Variants in SLC25A21 observed in about 807,000 individuals in gnomAD.
The protein encoded by SLC25A21 is solute carrier family 25 member 21, also known as mitochondrial 2-oxodicarboxylate carrier.
In SLC25A21, 47 loss-of-function variants were observed where a neutral mutation model predicts 43.8. The observed-to-expected ratio is 1.07, with a 90% confidence interval of 0.85 to 1.37. SLC25A21 has a LOEUF of 1.37. Among genes scored for constraint, SLC25A21 ranks in the 40% most tolerant of loss-of-function variants. The probability of loss-of-function intolerance (pLI) is 0.00; values close to 1 mark genes in which losing one functional copy is unlikely to be tolerated. For missense variants in SLC25A21, 352 were observed against 350.2 expected, an observed-to-expected ratio of 1.00 and a Z score of -0.04; for synonymous variants, 131 against 121.3, an observed-to-expected ratio of 1.08 and a Z score of -0.52.
intron 2 of SLC25A21, among the ~76,000 whole-genome samples, chr14:36,846,463 C>A (rs1382161695): frequency 6.6e-6 from 1 of 152,098 alleles, no homozygotes; most frequent in Non-Finnish European, 1.5e-5. Flanking sequence ...CTCACTGCAA[C>A]CTCCACCTCC....
In SLC25A21 at chr14:37,129,623, A is replaced by G. The variant is rs372468852; in HGVS notation, c.70+42658T>C. On this transcript the variant is annotated intron_variant, in intron 1 of 9. Transcript: ENST00000331299. ...CCGCAGGTCCAATATTCTCTCATTG[A>G]GATATATTGTGTTAAAACATTGTGT... Among the ~76,000 whole-genome samples, 102 of 151,838 alleles carry G rather than the reference A, an allele frequency of 6.7e-4. 2 individuals carry two copies. In the South Asian group the frequency reaches 0.02, roughly 30 times the overall value.
chr14:37,142,880 G>T (rs1195496337), intron 1 of SLC25A21, among the ~76,000 whole-genome samples: 2 of 152,190 alleles, frequency 1.3e-5, no homozygotes, highest in Non-Finnish European at 2.9e-5. Context: ...CAGTTGTCAA[G>T]GACACAGGAA....
chr14:36,971,735 C>T (rs1051906911), intron 1 of SLC25A21, among the ~76,000 whole-genome samples: 2 of 152,146 alleles, frequency 1.3e-5, no homozygotes, highest in African/African-American at 2.4e-5. Context: ...TGGCGCCACA[C>T]ACGAACCTCG....
At chr14:37,163,119 C>T (rs929216672) in intron 1 of SLC25A21, among the ~76,000 whole-genome samples, 3 of 147,152 alleles carry the variant, frequency 2.0e-5, no homozygotes, top group Non-Finnish European at 3.0e-5. Context: ...GGAAGGGGAA[C>T]ATCACACTCT....
At chr14:37,007,003 C>A (rs1439562474) in intron 1 of SLC25A21, among the ~76,000 whole-genome samples, 1 of 152,134 alleles carries the variant, frequency 6.6e-6, no homozygotes, top group Non-Finnish European at 1.5e-5. Flanking sequence ...CTTTTTTCTA[C>A]AATATCAATT....
chr14:36,955,277 T>A lies in SLC25A21; in HGVS notation c.71-80273A>T, dbSNP rs143953921. Among the ~76,000 whole-genome samples the A allele has an allele frequency of 1.6e-3, 242 of 152,294 alleles. 1 individual carries two copies. The East Asian group carries it at 0.029, about 18-fold the overall frequency. On this transcript the variant is annotated intron_variant, in intron 1 of 9. Transcript: ENST00000331299. ...CCATTGCTCAAGAGGTTATAATAAC[T>A]AGGTATAATGGCTGACATTATGAAA...
At chr14:36,957,404 C>G (rs1320714033) in intron 1 of SLC25A21, among the ~76,000 whole-genome samples, 1 of 152,188 alleles carries the variant, frequency 6.6e-6, no homozygotes, top group East Asian at 1.9e-4. Flanking sequence ...TCCTGGCTTG[C>G]CCATTAATGT....
chr14:37,056,398 G>A (rs927273400), intron 1 of SLC25A21, among the ~76,000 whole-genome samples: 11 of 151,604 alleles, frequency 7.3e-5, no homozygotes, highest in Non-Finnish European at 1.5e-4. Flanking sequence ...GCTGAGGCAG[G>A]AGAATGGCGT....
intron 2 of SLC25A21, among the ~76,000 whole-genome samples, chr14:36,818,899 C>T (rs115045297): frequency 1.3e-3 from 194 of 152,250 alleles, no homozygotes; most frequent in South Asian, 9.3e-3. Context: ...TTTCCAGTTA[C>T]ATAATACAAC....
intron 6 of SLC25A21, among the ~76,000 whole-genome samples, chr14:36,716,003 A>C (rs1315152579): frequency 6.6e-6 from 1 of 152,120 alleles, no homozygotes; most frequent in African/African-American, 2.4e-5. Flanking sequence ...AGGCAGAAGA[A>C]TCCCTTGAAC....
intron 1 of SLC25A21, among the ~76,000 whole-genome samples, chr14:36,966,008 C>T (rs1481419097): frequency 6.6e-6 from 1 of 152,100 alleles, no homozygotes; most frequent in African/African-American, 2.4e-5. Context: ...ATATATACAG[C>T]TACTATGTAC....
chr14:36,982,053 C>A (rs1357645127), intron 1 of SLC25A21, among the ~76,000 whole-genome samples: 4 of 152,096 alleles, frequency 2.6e-5, no homozygotes, highest in African/African-American at 4.8e-5. Context: ...CTATAGTGAT[C>A]CCATATAGTC....
intron 6 of SLC25A21, among the ~76,000 whole-genome samples, chr14:36,723,508 C>T (rs1884459272): frequency 1.3e-5 from 2 of 152,088 alleles, no homozygotes; most frequent in Admixed American, 6.6e-5. Context: ...AAAGAAATGA[C>T]CCCGAACAAG....
rs117191075 is a variant in SLC25A21, at chr14:36,982,570, T to G, written c.71-107566A>C. ...GTACCGGGTGCAGTAATCACACCAC[T>G]TTGGGAGGCCAAGGCAGATGGATTG... On this transcript the variant is annotated intron_variant, in intron 1 of 9. Transcript: ENST00000331299. Among the ~76,000 whole-genome samples, 69 of 152,230 alleles carry G rather than the reference T, an allele frequency of 4.5e-4. 1 individual carries two copies. The East Asian group carries it at 0.013, about 29-fold the overall frequency.
chr14:37,098,778 C>CAGATAGAT (rs1465755836), intron 1 of SLC25A21, among the ~76,000 whole-genome samples: 49 of 115,436 alleles, frequency 4.2e-4, no homozygotes, highest in Middle Eastern at 4.0e-3. Context: ...GACAGACAGA[C>CAGATAGAT]AGACAGACAG....
chr14:36,679,192 ATTTTG>A lies in SLC25A21; in HGVS notation c.*1461_*1465del. 1.0e-6 allele frequency: 1 copy of A among 984,996 alleles called. No individual in the cohort carries two copies. Among genetic ancestry groups the A allele is most frequent in the South Asian group, 4.7e-5 (1 of 21,276 alleles). The allele number at this position is 984,996 out of a possible 1,614,324, so 61.0% of individuals were successfully genotyped here. A position where few individuals can be genotyped will look rare whatever the true frequency, so the allele number is the denominator to read the frequency against. On this transcript the variant is annotated 3_prime_UTR_variant, in exon 10 of 10. Transcript: ENST00000331299. ...ACATTCTTATTTCTTTTTTTTCACA[ATTTTG>A]TTTTGTTTTTAATGACCCTTTTATT...
intron 2 of SLC25A21, among the ~76,000 whole-genome samples, chr14:36,818,667 T>A (rs576522464): frequency 6.6e-6 from 1 of 152,350 alleles, no homozygotes; most frequent in South Asian, 2.1e-4. Flanking sequence ...CCATTACACA[T>A]GACTTATTCT....
intron 3 of SLC25A21, among the ~76,000 whole-genome samples, chr14:36,770,600 T>C (rs926917642): frequency 1.3e-5 from 2 of 152,198 alleles, no homozygotes; most frequent in African/African-American, 4.8e-5. Context: ...ACACTATATA[T>C]ACACAGCATT....
At chr14:37,152,214 G>A (rs1253193960) in intron 1 of SLC25A21, among the ~76,000 whole-genome samples, 3 of 152,006 alleles carry the variant, frequency 2.0e-5, no homozygotes, top group African/African-American at 7.2e-5. Context: ...ATCCCAGGAA[G>A]TTCATTGTGA....
Sources: allele counts gnomAD v4.1 joint callset (sites outside exome capture counted in the v4.1 genomes callset), GRCh38; gene constraint gnomAD v4.1.1; transcripts MANE v1.5; gene names NCBI Gene and HGNC (gene_info 2026-07-23, HGNC 2026-07-21).